ACOT13: variants seen among roughly 807,000 people sequenced by gnomAD.
ACOT13 encodes acyl-coenzyme A thioesterase 13.
ACOT13 carries 10 observed loss-of-function variants against 11.8 expected under a neutral mutation model. The observed-to-expected ratio is 0.85, with a 90% CI of 0.53 to 1.44. The LOEUF (loss-of-function observed/expected upper bound fraction) is 1.44, where lower values mean the gene tolerates loss of function less well. Among genes scored for constraint, ACOT13 ranks in the 40% most tolerant of loss-of-function variants. The pLI is 0.00. For missense variants in ACOT13, 172 were observed against 174.1 expected, an observed-to-expected ratio of 0.99 and a Z score of 0.07; for synonymous variants, 53 against 61.0, an observed-to-expected ratio of 0.87 and a Z score of 0.61.
chr6:24,686,435 T>C (rs1469567409), intron 1 of ACOT13, among the ~76,000 whole-genome samples: 1 of 152,050 alleles, frequency 6.6e-6, no homozygotes, highest in Non-Finnish European at 1.5e-5. Flanking sequence ...AGAAGTGGGG[T>C]GCTTGCTTCT....
At chr6:24,678,707 C>T (rs1000635254) in intron 1 of ACOT13, among the ~76,000 whole-genome samples, 1 of 152,150 alleles carries the variant, frequency 6.6e-6, no homozygotes, top group East Asian at 1.9e-4. Context: ...CTCCCCCTAA[C>T]AAGGGAGTGG....
intron 1 of ACOT13, among the ~76,000 whole-genome samples, chr6:24,679,967 T>C (rs1400033132): frequency 1.3e-5 from 2 of 152,154 alleles, no homozygotes; most frequent in African/African-American, 4.8e-5. Flanking sequence ...GGAGGGGGCA[T>C]AATCGGGGAA....
At chr6:24,688,822 A>G (rs545131223) in intron 1 of ACOT13, among the ~76,000 whole-genome samples, 4 of 152,344 alleles carry the variant, frequency 2.6e-5, no homozygotes, top group Non-Finnish European at 5.9e-5. Flanking sequence ...CGAGAGATAC[A>G]ATAAAAGTCA....
intron 1 of ACOT13, among the ~76,000 whole-genome samples, chr6:24,671,055 GA>G (rs1207532631): frequency 1.3e-5 from 2 of 152,064 alleles, no homozygotes; most frequent in African/African-American, 4.8e-5. Context: ...ACACTGTGGT[GA>G]TTCCTCAAGG....
chr6:24,667,330 A>G lies in ACOT13; in HGVS notation c.67A>G (p.Arg23Gly). 6.2e-7 allele frequency: 1 copy of G among 1,614,056 alleles called. No homozygotes were observed. The highest frequency in any genetic ancestry group is 8.5e-7 in the Non-Finnish European group (1 of 1,179,996). The change falls in exon 1 of 3, where the codon AGA becomes GGA. Residue 23 changes from arginine (R) to glycine (G), a missense_variant. By Grantham distance (125) the Arg-to-Gly change is moderately radical (BLOSUM62 -2). Transcript: ENST00000230048. ...CATGACCAAGGCTCGCAATTTTGAG[A>G]GAGTTTTGGGAAAGGTATGGGAAAG... ...KAMTKARNFERVLGKITLVSA... is the reference protein window; with the variant it reads ...KAMTKARNFEGVLGKITLVSA...
chr6:24,681,135 T>A, intron 1 of ACOT13, among the ~76,000 whole-genome samples: 1 of 152,124 alleles, frequency 6.6e-6, no homozygotes, highest in East Asian at 1.9e-4. Context: ...TTTTCTAACA[T>A]AATAGCCCCA....
At position 24,702,705 on chromosome 6, in the gene ACOT13, C is replaced by T. The variant is rs1186561913; in HGVS notation, c.*1090C>T. On this transcript the variant is annotated 3_prime_UTR_variant, in exon 3 of 3. Transcript: ENST00000230048. ...AAAATAAAATAGATTGAGCCATATG[C>T]CTAAAAAAGACCTCAAGAAAAGTTT... 6.6e-6 allele frequency: 1 copy of T among 151,922 alleles called. No individual in the cohort carries two copies. Among genetic ancestry groups the T allele is most frequent in the Non-Finnish European group, 1.5e-5 (1 of 67,984 alleles). 9.4% of individuals were successfully genotyped at this position (151,922 alleles called of 1,614,324 possible). A position where few individuals can be genotyped will look rare whatever the true frequency, so the allele number is the denominator to read the frequency against.
intron 1 of ACOT13, among the ~76,000 whole-genome samples, chr6:24,668,321 T>C (rs774346458): frequency 3.3e-5 from 5 of 151,800 alleles, no homozygotes; most frequent in Non-Finnish European, 5.9e-5. Context: ...TGGGTTCAAG[T>C]GATTCTCATG....
intron 1 of ACOT13, chr6:24,687,366 G>T: frequency 9.7e-7 from 1 of 1,030,156 alleles, no homozygotes; most frequent in Non-Finnish European, 1.2e-6. Context: ...TAACATTATC[G>T]TGTTTAAGTT....
rs1046390311 is a variant in ACOT13 at position 24,702,461 on chromosome 6, C to G, written c.*846C>G. The G allele has an allele frequency of 6.6e-6, 1 of 152,124 alleles. No individual in the cohort carries two copies. The highest frequency in any genetic ancestry group is 1.5e-5 in the Non-Finnish European group (1 of 68,040). 9.4% of individuals were successfully genotyped at this position (152,124 alleles called of 1,614,324 possible). A position where few individuals can be genotyped will look rare whatever the true frequency, so the allele number is the denominator to read the frequency against. ...ACTCCAATCTTGAGGGTTCTGCCCT[C>G]GTGATCTAATAACTTCCCAAAGACC... On this transcript the variant is annotated 3_prime_UTR_variant, in exon 3 of 3. Coordinates refer to ENST00000230048, the MANE Select transcript of ACOT13 (RefSeq NM_018473.4).
intron 2 of ACOT13, 142 bp from the exon 3 acceptor site, chr6:24,701,317 G>C (rs1778887297): frequency 8.3e-6 from 5 of 606,044 alleles, no homozygotes; most frequent in Non-Finnish European, 1.3e-5. Flanking sequence ...ATTCACATTT[G>C]ATAGTACAGA....
chr6:24,672,164 A>C (rs1395103785), intron 1 of ACOT13, among the ~76,000 whole-genome samples: 1 of 152,264 alleles, frequency 6.6e-6, no homozygotes, highest in Non-Finnish European at 1.5e-5. Context: ...TCATTATAAA[A>C]TAAATCATTC....
At chr6:24,681,813 G>A (rs1562158001) in intron 1 of ACOT13, among the ~76,000 whole-genome samples, 3 of 152,306 alleles carry the variant, frequency 2.0e-5, no homozygotes, top group South Asian at 2.1e-4. Flanking sequence ...GTACCTAGGA[G>A]GCAGGGATCA....
At position 24,701,545 on chromosome 6, in the gene ACOT13, TG is replaced by T. The variant is rs774819122; in HGVS notation, c.355del (p.Asp119IlefsTer2). 1.2e-6 allele frequency: 2 copies of T among 1,614,042 alleles called. No homozygotes were observed. Among genetic ancestry groups the T allele is most frequent in the South Asian group, 1.1e-5 (1 of 91,062 alleles). On this transcript the variant is annotated frameshift_variant, in exon 3 of 3. Coordinates refer to ENST00000230048, the MANE Select transcript of ACOT13 (RefSeq NM_018473.4). LOFTEE classifies it high-confidence loss of function. ...KQGKTLAFTS[V>X]DLTNKATGKL... ...GGAAAAACACTTGCATTTACCTCTGTGGATCTGACCAACAAGGCCACAGGAA... is the reference window on the plus strand; with the variant it reads ...GGAAAAACACTTGCATTTACCTCTGTGATCTGACCAACAAGGCCACAGGAA...
At chr6:24,687,784 C>T in intron 1 of ACOT13, 1 of 1,264,010 alleles carries the variant, frequency 7.9e-7, no homozygotes, top group Non-Finnish European at 1.1e-6. Flanking sequence ...GATCTTGGCT[C>T]AACTGCAACC....
chr6:24,703,726 C>T lies in ACOT13; in HGVS notation c.*2111C>T, dbSNP rs1030069732. ...GCCAAGGGAGCTCCTGATAAAGGAA[C>T]AGGGTATTTGCACATTGCTTCCCAG... On this transcript the variant is annotated 3_prime_UTR_variant, in exon 3 of 3. Transcript: ENST00000230048. 5 of 152,184 alleles carry T rather than the reference C, an allele frequency of 3.3e-5. No homozygotes were observed. The highest frequency in any genetic ancestry group is 1.5e-5 in the Non-Finnish European group (1 of 68,036). The allele number at this position is 152,184 out of a possible 1,614,324, so 9.4% of individuals were successfully genotyped here. A position where few individuals can be genotyped will look rare whatever the true frequency, so the allele number is the denominator to read the frequency against.
At chr6:24,681,469 G>T (rs980819665) in intron 1 of ACOT13, among the ~76,000 whole-genome samples, 1 of 151,584 alleles carries the variant, frequency 6.6e-6, no homozygotes, top group Non-Finnish European at 1.5e-5. Context: ...TTAAATTTAC[G>T]CTGGCTTTTA....
intron 2 of ACOT13, among the ~76,000 whole-genome samples, chr6:24,699,464 C>T (rs1398361784): frequency 2.0e-5 from 3 of 152,190 alleles, no homozygotes; most frequent in Non-Finnish European, 4.4e-5. Flanking sequence ...CCCGCCTTGG[C>T]CTCCCAAAGT....
At chr6:24,673,270 A>G (rs1398843080) in intron 1 of ACOT13, among the ~76,000 whole-genome samples, 2 of 152,212 alleles carry the variant, frequency 1.3e-5, no homozygotes, top group Non-Finnish European at 2.9e-5. Context: ...CCTTTAAGAC[A>G]GTGTGCCTTT....
Sources: gnomAD v4.1 joint callset for allele counts (sites outside exome capture counted in the v4.1 genomes callset) on GRCh38, gnomAD v4.1.1 for gene constraint, MANE v1.5 for transcripts, NCBI Gene and HGNC (gene_info 2026-07-23, HGNC 2026-07-21) for gene names.